SYNPO: variants seen among roughly 807,000 people sequenced by gnomAD.
SYNPO encodes the protein synaptopodin.
Under a neutral mutation model 49.5 loss-of-function variants are expected in SYNPO, and 19 were observed. That is an observed-to-expected ratio of 0.38 (90% CI 0.27 to 0.56). The LOEUF is 0.56. SYNPO is among the 20% of genes least tolerant of loss of function. SYNPO has a pLI of 0.68. For missense variants in SYNPO, 1,131 were observed against 1,248.3 expected (o/e 0.91, Z 1.42); for synonymous variants, 536 against 548.0 (o/e 0.98, Z 0.31).
chr5:150,609,749 A>T (rs1335977187), intron 1 of SYNPO, among the ~76,000 whole-genome samples: 1 of 112,098 alleles, frequency 8.9e-6, no homozygotes, highest in African/African-American at 3.1e-5. Context: ...CTCTTGTTTA[A>T]ACTGGGGGAC....
chr5:150,653,088 T>C (rs1758445453), intron 2 of SYNPO: 1 of 152,210 alleles, frequency 6.6e-6, no homozygotes, highest in Admixed American at 6.5e-5. Flanking sequence ...GTTGAGTGGA[T>C]GCTACTTTTT....
chr5:150,638,032 G>A (rs1757776302), upstream of SYNPO, among the ~76,000 whole-genome samples: 1 of 152,036 alleles, frequency 6.6e-6, no homozygotes, highest in Non-Finnish European at 1.5e-5. Flanking sequence ...AAGCCCAGTG[G>A]GTGTGTTCCT....
intron 1 of SYNPO, among the ~76,000 whole-genome samples, chr5:150,607,725 G>A (rs149418206): frequency 3.9e-4 from 59 of 151,468 alleles, no homozygotes; most frequent in African/African-American, 1.3e-3. Flanking sequence ...CCCCTGAAAC[G>A]TAATGCGAGC....
At chr5:150,618,808 T>TTA in intron 2 of SYNPO, 1 of 1,550,028 alleles carries the variant, frequency 6.5e-7, no homozygotes, top group Non-Finnish European at 8.7e-7. Context: ...CCAGAGTCAC[T>TTA]GGAGACCCCC....
At chr5:150,591,759 C>G in the SYNPO span, among the ~76,000 whole-genome samples, 2 of 152,158 alleles carry the variant, frequency 1.3e-5, no homozygotes, top group East Asian at 3.9e-4. Context: ...TAAATTTTAC[C>G]TAGAGCCTGA....
At chr5:150,619,755 G>A (rs1342654022) in intron 2 of SYNPO, among the ~76,000 whole-genome samples, 2 of 152,182 alleles carry the variant, frequency 1.3e-5, no homozygotes, top group Non-Finnish European at 2.9e-5. Context: ...CTCTGCAGGC[G>A]TCGTTGACGC....
rs376731190 is a variant in SYNPO, at chr5:150,657,415, T to TTCTCTC, written c.*341_*346dup. The TTCTCTC allele has an allele frequency of 3.5e-3, 679 of 192,258 alleles. 7 individuals are homozygous for TTCTCTC. The highest frequency in any genetic ancestry group is 0.017 in the African/African-American group (607 of 35,972). The allele number at this position is 192,258 out of a possible 1,614,324, so 11.9% of individuals were successfully genotyped here. A position where few individuals can be genotyped will look rare whatever the true frequency, so the allele number is the denominator to read the frequency against. Reference sequence around the variant, plus strand: ...ACACCGATGCACACACACTCTCTCTTTCTCTCTCTCTCTCTCTCACACACA... The same window carrying TTCTCTC: ...ACACCGATGCACACACACTCTCTCTTTCTCTCTCTCTCTCTCTCTCTCTCACACACA... On this transcript the variant is annotated 3_prime_UTR_variant, in exon 3 of 3. Transcript: ENST00000307662.
chr5:150,616,069 T>C (rs1756976341), intron 1 of SYNPO, among the ~76,000 whole-genome samples: 1 of 152,224 alleles, frequency 6.6e-6, no homozygotes, highest in African/African-American at 2.4e-5. Context: ...AGGTGCCTGG[T>C]TATCTTTCTG....
At chr5:150,634,371 C>T (rs1382257771) in intron 2 of SYNPO, among the ~76,000 whole-genome samples, 1 of 152,176 alleles carries the variant, frequency 6.6e-6, no homozygotes, top group East Asian at 1.9e-4. Context: ...TGGTCCTTTC[C>T]CTCTACTGTT....
At chr5:150,615,923 C>T (rs1403676339) in intron 1 of SYNPO, among the ~76,000 whole-genome samples, 1 of 152,244 alleles carries the variant, frequency 6.6e-6, no homozygotes, top group Non-Finnish European at 1.5e-5. Flanking sequence ...GTAATTCTCT[C>T]ATAGGGTTGA....
At chr5:150,647,311 G>C (rs1425605604) in intron 1 of SYNPO, among the ~76,000 whole-genome samples, 1 of 151,614 alleles carries the variant, frequency 6.6e-6, no homozygotes, top group African/African-American at 2.4e-5. Context: ...TGAGGAGACA[G>C]ATAATAGACA....
intron 1 of SYNPO, among the ~76,000 whole-genome samples, chr5:150,644,412 T>G (rs1416205970): frequency 2.0e-5 from 3 of 152,214 alleles, no homozygotes; most frequent in Non-Finnish European, 4.4e-5. Flanking sequence ...TCTGCCTCCG[T>G]GTAGCTCTGG....
intron 2 of SYNPO, chr5:150,651,631 G>C (rs1454684212): frequency 1.0e-6 from 1 of 1,002,186 alleles, no homozygotes; most frequent in African/African-American, 1.7e-5. Flanking sequence ...GGATTGCCTG[G>C]GGACAGTAGG....
intron 2 of SYNPO, chr5:150,618,772 G>C (rs1258299020): frequency 6.4e-7 from 1 of 1,551,142 alleles, no homozygotes; most frequent in South Asian, 1.2e-5. Flanking sequence ...AACCAGGTAA[G>C]CTTGTGTTCC....
intron 1 of SYNPO, among the ~76,000 whole-genome samples, chr5:150,611,062 A>G (rs112709074): frequency 1.8e-4 from 28 of 152,226 alleles, no homozygotes; most frequent in Non-Finnish European, 1.6e-4. Context: ...TATGCTATAC[A>G]AAACACGGAA....
chr5:150,656,804 C>T lies in SYNPO; in HGVS notation c.2429C>T (p.Pro810Leu). 1 of 1,465,316 alleles carries T rather than the reference C, an allele frequency of 6.8e-7. No homozygotes were observed. Among genetic ancestry groups the T allele is most frequent in the Non-Finnish European group, 9.0e-7 (1 of 1,112,420 alleles). 90.8% of individuals were successfully genotyped at this position (1,465,316 alleles called of 1,614,324 possible). ...PRMRSPQPAR[P>L]GSAAVPGAAF... is the part of the protein sequence containing the mutation. The stretch of plus-strand genomic sequence containing the variant: ...ATGCGCTCGCCACAGCCCGCCCGCC[C>T]CGGCTCGGCTGCTGTGCCGGGGGCA... Residue 810 changes from proline to leucine, a missense_variant, in exon 3 of 3, where the codon CCC becomes CTC. Coordinates refer to ENST00000307662, the MANE Select transcript of SYNPO (RefSeq NM_007286.6).
chr5:150,619,968 G>A (rs990157132), intron 2 of SYNPO, among the ~76,000 whole-genome samples: 15 of 152,104 alleles, frequency 9.9e-5, no homozygotes, highest in African/African-American at 3.4e-4. Context: ...GAACTTGGAG[G>A]TGGGCCCTCA....
At chr5:150,589,449 C>A in the SYNPO span, among the ~76,000 whole-genome samples, 1 of 152,194 alleles carries the variant, frequency 6.6e-6, no homozygotes, top group South Asian at 2.1e-4. Context: ...ACGCTCTGCA[C>A]GTCATTACCC....
the SYNPO span, among the ~76,000 whole-genome samples, chr5:150,592,160 C>T: frequency 3.3e-5 from 5 of 151,256 alleles, no homozygotes; most frequent in South Asian, 2.1e-4. Flanking sequence ...AGTGAAACTC[C>T]GTCTGAAAAG....
Sources: gnomAD v4.1 joint callset for allele counts (sites outside exome capture counted in the v4.1 genomes callset) on GRCh38, gnomAD v4.1.1 for gene constraint, MANE v1.5 for transcripts, NCBI Gene and HGNC (gene_info 2026-07-23, HGNC 2026-07-21) for gene names.